The following ALK variants were observed in gnomAD, a reference collection of about 807,000 sequenced individuals.
ALK encodes the protein ALK tyrosine kinase receptor.
Under a neutral mutation model 163.1 loss-of-function variants are expected in ALK, and 74 were observed. The observed-to-expected ratio is 0.45, with a 90% CI of 0.38 to 0.55. The LOEUF (loss-of-function observed/expected upper bound fraction) is 0.55. Among genes scored for constraint, ALK ranks in the 20% least tolerant of loss-of-function variants. ALK has a pLI of 0.00. For missense variants in ALK, 2,063 were observed against 2,105.3 expected (o/e 0.98, Z 0.39); for synonymous variants, 960 against 843.2 (o/e 1.14, Z -2.40).
rs555490265 is a variant in ALK at position 29,474,553 on chromosome 2, G to T, written c.1154+57362C>A. On this transcript the variant is annotated intron_variant, in intron 4 of 28. Coordinates refer to ENST00000389048, the MANE Select transcript of ALK (RefSeq NM_004304.5). ...GTGACAAGGATGACTTCCTAATTCTGAGGTTTGATATTTTTCCAAACGCCA... is the reference window on the plus strand; with the variant it reads ...GTGACAAGGATGACTTCCTAATTCTTAGGTTTGATATTTTTCCAAACGCCA... 3.3e-5 allele frequency among the ~76,000 whole-genome samples: 5 copies of T among 152,304 alleles called. No homozygotes were observed. The South Asian group carries it at 1.0e-3, about 32-fold the overall frequency.
At chr2:29,849,039 T>G (rs1294021885) in intron 1 of ALK, among the ~76,000 whole-genome samples, 2 of 152,172 alleles carry the variant, frequency 1.3e-5, no homozygotes, top group Admixed American at 1.3e-4. Context: ...CCTGACCTTC[T>G]GACTTACACA....
intron 5 of ALK, among the ~76,000 whole-genome samples, chr2:29,350,636 A>G (rs887759314): frequency 6.6e-6 from 1 of 152,212 alleles, no homozygotes; most frequent in Non-Finnish European, 1.5e-5. Flanking sequence ...CAGTAATGAC[A>G]GAGTCCCAAG....
chr2:29,662,054 C>T (rs533468138), intron 3 of ALK, among the ~76,000 whole-genome samples: 3 of 152,132 alleles, frequency 2.0e-5, no homozygotes, highest in South Asian at 2.1e-4. Context: ...GTACTACAGG[C>T]GTACACTGCC....
At chr2:29,432,251 GT>G (rs1670289478) in intron 4 of ALK, among the ~76,000 whole-genome samples, 1 of 152,118 alleles carries the variant, frequency 6.6e-6, no homozygotes, top group African/African-American at 2.4e-5. Flanking sequence ...CTCATGAATG[GT>G]TTTGTGCTGT....
rs1558301630 is a variant in ALK, at chr2:29,385,365, A to AAGGG, written c.1155-1507_1155-1506insCCCT. Among the ~76,000 whole-genome samples, 62 of 150,670 alleles carry AAGGG rather than the reference A, an allele frequency of 4.1e-4. 1 individual carries two copies. The East Asian group carries it at 0.012, about 29-fold the overall frequency. Reference sequence around the variant, plus strand: ...CAATAACCATAGTCACCACCTAAGGAAACAACCTGTCAGGTTGTTTTTTTT... The same window carrying AAGGG: ...CAATAACCATAGTCACCACCTAAGGAAGGGAACAACCTGTCAGGTTGTTTTTTTT... On this transcript the variant is annotated intron_variant, in intron 4 of 28. Coordinates refer to ENST00000389048, the MANE Select transcript of ALK (RefSeq NM_004304.5).
chr2:29,436,989 A>G (rs1670417608), intron 4 of ALK, among the ~76,000 whole-genome samples: 1 of 152,120 alleles, frequency 6.6e-6, no homozygotes, highest in Admixed American at 6.5e-5. Flanking sequence ...CAAATCTACA[A>G]CCAGTCCCAG....
chr2:29,481,926 A>G (rs1302588694), intron 4 of ALK, among the ~76,000 whole-genome samples: 1 of 152,202 alleles, frequency 6.6e-6, no homozygotes, highest in Non-Finnish European at 1.5e-5. Flanking sequence ...TCCCACAAAG[A>G]AAGAAGGTGA....
At chr2:29,323,426 T>C (rs1160704408) in intron 6 of ALK, among the ~76,000 whole-genome samples, 1 of 152,200 alleles carries the variant, frequency 6.6e-6, no homozygotes, top group Admixed American at 6.5e-5. Flanking sequence ...CCATCAGCAT[T>C]CTCTGTCTCT....
chr2:29,282,241 CA>C (rs1235827726), intron 9 of ALK, among the ~76,000 whole-genome samples: 1 of 152,180 alleles, frequency 6.6e-6, no homozygotes, highest in Non-Finnish European at 1.5e-5. Context: ...TCTCGCTGCA[CA>C]GTTAATTTGC....
At chr2:29,802,910 C>T (rs1258092691) in intron 1 of ALK, among the ~76,000 whole-genome samples, 9 of 151,824 alleles carry the variant, frequency 5.9e-5, no homozygotes, top group Non-Finnish European at 1.2e-4. Context: ...TCAACACTGA[C>T]CCCCAAACCA....
chr2:29,419,209 C>A (rs1669958301), intron 4 of ALK, among the ~76,000 whole-genome samples: 1 of 151,228 alleles, frequency 6.6e-6, no homozygotes, highest in African/African-American at 2.5e-5. Flanking sequence ...TACATGCCAC[C>A]ATGCCCGGCT....
chr2:29,780,706 G>A (rs779671589), intron 1 of ALK, among the ~76,000 whole-genome samples: 6 of 152,176 alleles, frequency 3.9e-5, no homozygotes, highest in Non-Finnish European at 7.3e-5. Context: ...ATGGCGTTTC[G>A]GGGTAACAGA....
In ALK at chr2:29,811,237, C is replaced by G. The variant is rs530518141; in HGVS notation, c.668-93540G>C. Reference sequence around the variant, plus strand: ...GGGAGAGAAGGCACATTCTGACTCCCCCCCTTTGAAACTGAAGAGCACAAG... The same window carrying G: ...GGGAGAGAAGGCACATTCTGACTCCGCCCCTTTGAAACTGAAGAGCACAAG... On this transcript the variant is annotated intron_variant, in intron 1 of 28. Coordinates refer to ENST00000389048, the MANE Select transcript of ALK (RefSeq NM_004304.5). Among the ~76,000 whole-genome samples, 146 of 14,810 alleles carry G rather than the reference C, an allele frequency of 9.9e-3. 3 individuals carry two copies. The South Asian group carries it at 0.31, about 32-fold the overall frequency. 9.7% of individuals were successfully genotyped at this position (14,810 alleles called of 152,430 possible).
At chr2:29,849,301 C>T (rs550225428) in intron 1 of ALK, among the ~76,000 whole-genome samples, 1 of 152,346 alleles carries the variant, frequency 6.6e-6, no homozygotes, top group African/African-American at 2.4e-5. Context: ...CCACCCCTGG[C>T]TTTGAATGTC....
At chr2:29,693,507 G>T (rs971482983) in intron 3 of ALK, among the ~76,000 whole-genome samples, 2 of 151,500 alleles carry the variant, frequency 1.3e-5, no homozygotes, top group South Asian at 4.2e-4. Context: ...ATAAGTCAAG[G>T]TCAACCCATC....
intron 14 of ALK, 38 bp from the exon 15 acceptor site, chr2:29,232,486 C>A: frequency 6.2e-7 from 1 of 1,613,704 alleles, no homozygotes; most frequent in Non-Finnish European, 8.5e-7. Flanking sequence ...AGAAACCGAG[C>A]TGTGCTTCCC....
At chr2:29,331,854 A>G (rs1293322654) in intron 5 of ALK, among the ~76,000 whole-genome samples, 1 of 152,202 alleles carries the variant, frequency 6.6e-6, no homozygotes, top group Middle Eastern at 3.2e-3. Context: ...GGTATTTAGG[A>G]TAACAAGAAA....
chr2:29,440,038 C>T (rs1244016761), intron 4 of ALK, among the ~76,000 whole-genome samples: 3 of 151,978 alleles, frequency 2.0e-5, no homozygotes, highest in Non-Finnish European at 2.9e-5. Context: ...TCGAGACCAG[C>T]CTGGCCAACA....
At chr2:29,751,414 C>T (rs1680363743) in intron 1 of ALK, among the ~76,000 whole-genome samples, 1 of 152,072 alleles carries the variant, frequency 6.6e-6, no homozygotes, top group South Asian at 2.1e-4. Flanking sequence ...ATGTGCAGTC[C>T]TTCATTGCCT....
Sources: allele counts gnomAD v4.1 joint callset (sites outside exome capture counted in the v4.1 genomes callset), GRCh38; gene constraint gnomAD v4.1.1; transcripts MANE v1.5; gene names NCBI Gene and HGNC (gene_info 2026-07-23, HGNC 2026-07-21).